DNM2: variants seen among roughly 807,000 people sequenced by gnomAD.
DNM2 encodes dynamin 2.
A neutral mutation model predicts 99.0 loss-of-function variants in DNM2; 15 were observed. The observed-to-expected ratio is 0.15, with a 90% CI of 0.10 to 0.23. The LOEUF (loss-of-function observed/expected upper bound fraction) is 0.23, where lower values mean the gene tolerates loss of function less well. Among genes scored for constraint, DNM2 ranks in the 10% least tolerant of loss-of-function variants. The probability of loss-of-function intolerance (pLI) is 1.00; values close to 1 mark genes in which losing one functional copy is unlikely to be tolerated. For synonymous variants in DNM2, 525 were observed against 481.2 expected (o/e 1.09, Z -1.19); for missense variants, 742 against 1,189.4 (o/e 0.62, Z 5.53).
chr19:10,791,120 G>C (rs911847113), intron 7 of DNM2, among the ~76,000 whole-genome samples: 13 of 151,934 alleles, frequency 8.6e-5, no homozygotes, highest in African/African-American at 3.1e-4. Flanking sequence ...AAGGTCTCTT[G>C]TTCTGTTGCC....
chr19:10,784,775 C>T (rs1314210774), intron 6 of DNM2, among the ~76,000 whole-genome samples: 1 of 150,294 alleles, frequency 6.7e-6, no homozygotes, highest in Non-Finnish European at 1.5e-5. Flanking sequence ...TGCCTCTTTT[C>T]TAGCTCGCCA....
intron 1 of DNM2, among the ~76,000 whole-genome samples, chr19:10,726,857 T>C (rs1445381472): frequency 1.3e-5 from 2 of 151,166 alleles, no homozygotes; most frequent in African/African-American, 4.8e-5. Context: ...AGCGAGACTC[T>C]GTCTCAAAAC....
rs1166901666 is a variant in DNM2, at chr19:10,804,693, TA to T, written c.1494-1220del. Among the ~76,000 whole-genome samples, 295 of 152,122 alleles carry T rather than the reference TA, an allele frequency of 1.9e-3. 4 individuals carry two copies. Among genetic ancestry groups the T allele is most frequent in the African/African-American group, 6.8e-3 (283 of 41,498 alleles). On this transcript the variant is annotated intron_variant, in intron 12 of 20. Transcript: ENST00000389253. ...ACAGAGTGAGACTCTGTCTCAAAAA[TA>T]AATAAGTAAATAAATAGCCCAGATA...
chr19:10,737,123 G>A (rs2069557879), intron 1 of DNM2, among the ~76,000 whole-genome samples: 2 of 152,034 alleles, frequency 1.3e-5, no homozygotes, highest in African/African-American at 4.8e-5. Flanking sequence ...ACTCCAGCCG[G>A]GGAGACAGAG....
rs745991333 is a variant in DNM2 at position 10,797,369 on chromosome 19, G to A, written c.1197-11G>A. On this transcript the variant is annotated splice_polypyrimidine_tract_variant and intron_variant, in intron 9 of 20. Coordinates refer to ENST00000389253, the MANE Select transcript of DNM2 (RefSeq NM_001005361.3). ...GTCTTTCTGCCTCATCCTGCCCTCCGCATGACCCAGGACGGGGCTCTTCAC... is the reference window on the plus strand; with the variant it reads ...GTCTTTCTGCCTCATCCTGCCCTCCACATGACCCAGGACGGGGCTCTTCAC... The A allele has an allele frequency of 1.3e-5, 21 of 1,611,554 alleles. No individual in the cohort carries two copies. Among genetic ancestry groups the A allele is most frequent in the East Asian group, 8.9e-5 (4 of 44,880 alleles).
intron 1 of DNM2, among the ~76,000 whole-genome samples, chr19:10,729,531 A>C (rs973106526): frequency 2.6e-5 from 4 of 152,092 alleles, no homozygotes; most frequent in Non-Finnish European, 5.9e-5. Context: ...GGCCAGGGAA[A>C]CAGCAGGTGC....
At chr19:10,819,909 A>T in intron 15 of DNM2, 71 bp from the exon 16 acceptor site, 1 of 1,437,390 alleles carries the variant, frequency 7.0e-7, no homozygotes, top group Non-Finnish European at 9.8e-7. Flanking sequence ...CGCATGCTAC[A>T]CGCTCTGGCC....
At chr19:10,783,526 A>G (rs1380356035) in intron 6 of DNM2, among the ~76,000 whole-genome samples, 1 of 152,104 alleles carries the variant, frequency 6.6e-6, no homozygotes, top group African/African-American at 2.4e-5. Context: ...TGAAGAGCAG[A>G]TGTTCAGTGA....
At chr19:10,779,920 C>A (rs1332727915) in intron 5 of DNM2, among the ~76,000 whole-genome samples, 1 of 152,116 alleles carries the variant, frequency 6.6e-6, no homozygotes, top group Non-Finnish European at 1.5e-5. Flanking sequence ...TCCCAAAATG[C>A]TGGGATTAAA....
At chr19:10,777,335 T>C in intron 5 of DNM2, 119 bp downstream of exon 5, 2 of 935,900 alleles carry the variant, frequency 2.1e-6, no homozygotes, top group Non-Finnish European at 3.4e-6. Context: ...TCACCGTAAC[T>C]CCTTCTTTCT....
intron 1 of DNM2, among the ~76,000 whole-genome samples, chr19:10,735,204 C>T (rs927933462): frequency 6.6e-6 from 1 of 152,008 alleles, no homozygotes; most frequent in Non-Finnish European, 1.5e-5. Flanking sequence ...CCATGCCCGG[C>T]TAATTTTTGT....
At chr19:10,771,061 G>A (rs906330959) in intron 2 of DNM2, among the ~76,000 whole-genome samples, 3 of 152,200 alleles carry the variant, frequency 2.0e-5, no homozygotes, top group African/African-American at 7.2e-5. Flanking sequence ...CCACAGTGCT[G>A]GATAATAGGC....
intron 1 of DNM2, among the ~76,000 whole-genome samples, chr19:10,734,723 A>T (rs80013388): frequency 0.1 from 14,856 of 144,180 alleles, 1,188 homozygotes; most frequent in East Asian, 0.38. Context: ...TTAAAAAAAA[A>T]TTTTTTTTTT....
rs541565898 is a variant in DNM2, at chr19:10,764,386, C to T, written c.235+4575C>T. 6.6e-6 allele frequency among the ~76,000 whole-genome samples: 1 copy of T among 152,336 alleles called. No homozygotes were observed. The highest frequency in any genetic ancestry group is 2.1e-4 in the South Asian group (1 of 4,834). On this transcript the variant is annotated intron_variant, in intron 2 of 20. Transcript: ENST00000389253. The surrounding 1 kb of genome is among the most constrained non-coding windows in gnomAD (Gnocchi z 4.1). ...TTCCCCTCTGGTTCCCGCAGCTTGC[C>T]CTCATTCCAGCCATCCCCAGTGAAC...
intron 12 of DNM2, among the ~76,000 whole-genome samples, chr19:10,805,181 C>A (rs946038438): frequency 1.3e-5 from 2 of 152,214 alleles, no homozygotes; most frequent in Non-Finnish European, 2.9e-5. Flanking sequence ...TATAGAAACA[C>A]ACCCTGTCGA....
chr19:10,721,259 C>T (rs1414121806), intron 1 of DNM2, among the ~76,000 whole-genome samples: 20 of 152,110 alleles, frequency 1.3e-4, no homozygotes, highest in Admixed American at 4.6e-4. Flanking sequence ...CATGTTCAAG[C>T]GATTCTCATA....
chr19:10,765,308 C>A lies in DNM2; in HGVS notation c.235+5497C>A, dbSNP rs2070764327. On this transcript the variant is annotated intron_variant, in intron 2 of 20. Coordinates refer to ENST00000389253, the MANE Select transcript of DNM2 (RefSeq NM_001005361.3). The surrounding 1 kb of genome is among the most constrained non-coding windows in gnomAD (Gnocchi z 4.4). ...GCGCCAGCACACGAGAACAGGCATGCAGATCGGCTCTGCCCAGCACAGGGC... is the reference window on the plus strand; with the variant it reads ...GCGCCAGCACACGAGAACAGGCATGAAGATCGGCTCTGCCCAGCACAGGGC... 6.6e-6 allele frequency among the ~76,000 whole-genome samples: 1 copy of A among 152,258 alleles called. No individual in the cohort carries two copies. The highest frequency in any genetic ancestry group is 2.1e-4 in the South Asian group (1 of 4,836).
chr19:10,812,284 G>A lies in DNM2; in HGVS notation c.1578G>A (p.Leu526=). The change falls in exon 15 of 21, where the codon CTG becomes CTA. Residue 526 remains leucine (L), a synonymous_variant. Transcript: ENST00000389253. The surrounding 1 kb of genome is among the most constrained non-coding windows in gnomAD (Gnocchi z 4.0). The part of the protein sequence containing the change: ...GEILVIRRGW[L]TINNISLMKG... ...CCCAGGTGATCCGCAGGGGCTGGCT[G>A]ACCATCAACAACATCAGCCTGATGA... The A allele has an allele frequency of 1.2e-6, 2 of 1,606,642 alleles. No homozygotes were observed. The highest frequency in any genetic ancestry group is 1.7e-6 in the Non-Finnish European group (2 of 1,176,314).
At position 10,825,042 on chromosome 19, in the gene DNM2, C is replaced by T. The variant is rs1568321781; in HGVS notation, c.1894-15C>T. On this transcript the variant is annotated splice_polypyrimidine_tract_variant and intron_variant, in intron 17 of 20. Transcript: ENST00000389253. ...GGCCACAGTCACCCCTCAGCACCTC[C>T]CCTCCCGCTTGCAGGCAGAAAACGA... 6.2e-7 allele frequency: 1 copy of T among 1,613,958 alleles called. No individual in the cohort carries two copies.
Sources: gnomAD v4.1 joint callset for allele counts (sites outside exome capture counted in the v4.1 genomes callset) on GRCh38, gnomAD v4.1.1 for gene constraint, Gnocchi (gnomAD v3.1) non-coding constraint, MANE v1.5 for transcripts, NCBI Gene and HGNC (gene_info 2026-07-23, HGNC 2026-07-21) for gene names.